Variants in FILIP1 observed in about 807,000 individuals in gnomAD.
FILIP1 encodes filamin A interacting protein 1, also known as filamin-A-interacting protein 1.
FILIP1 carries 61 observed loss-of-function variants against 102.1 expected under a neutral mutation model. The ratio of observed to expected loss-of-function variants is 0.60; its 90% CI spans 0.49 to 0.74. The LOEUF is 0.74. Ranked by LOEUF, FILIP1 falls within the 30% of genes least tolerant of loss-of-function variation. The pLI is 0.00. For missense variants in FILIP1, 1,314 were observed against 1,441.2 expected (o/e 0.91, Z 1.43); for synonymous variants, 491 against 526.9 (o/e 0.93, Z 0.93).
intron 4 of FILIP1, among the ~76,000 whole-genome samples, chr6:75,350,439 G>A (rs538079658): frequency 4.4e-5 from 6 of 136,382 alleles, no homozygotes; most frequent in East Asian, 2.1e-4. Context: ...AACTTTCTAC[G>A]TAGCACTTTG....
intron 1 of FILIP1, among the ~76,000 whole-genome samples, chr6:75,476,786 T>G (rs1779486482): frequency 2.0e-5 from 3 of 152,192 alleles, no homozygotes; most frequent in African/African-American, 7.2e-5. Flanking sequence ...TAGACACTAT[T>G]CCTCCTAACA....
chr6:75,443,857 C>T (rs1778355241), intron 1 of FILIP1, among the ~76,000 whole-genome samples: 1 of 152,152 alleles, frequency 6.6e-6, no homozygotes, highest in Admixed American at 6.5e-5. Flanking sequence ...TTCTAACATG[C>T]TCATATTAGA....
intron 3 of FILIP1, among the ~76,000 whole-genome samples, chr6:75,362,261 A>T (rs1334306723): frequency 6.6e-6 from 1 of 152,190 alleles, no homozygotes; most frequent in African/African-American, 2.4e-5. Flanking sequence ...ATTTCATTAG[A>T]ATTTTGCCTC....
At position 75,493,717 on chromosome 6, in the gene FILIP1, C is replaced by G. The variant is rs986895318; in HGVS notation, c.-310G>C. Reference sequence around the variant, plus strand: ...GACTTTTGTTTAAAAGTTTTTTCTACTGTTGCTAGGTGTTGTTGGGTTCGG... The same window carrying G: ...GACTTTTGTTTAAAAGTTTTTTCTAGTGTTGCTAGGTGTTGTTGGGTTCGG... On this transcript the variant is annotated 5_prime_UTR_variant, in exon 1 of 6. Coordinates refer to ENST00000237172, the MANE Select transcript of FILIP1 (RefSeq NM_015687.5). 6.6e-6 allele frequency: 1 copy of G among 152,176 alleles called. No individual in the cohort carries two copies. The highest frequency in any genetic ancestry group is 1.9e-4 in the East Asian group (1 of 5,200). The allele number at this position is 152,176 out of a possible 1,614,324, so 9.4% of individuals were successfully genotyped here. A position where few individuals can be genotyped will look rare whatever the true frequency, so the allele number is the denominator to read the frequency against.
chr6:75,456,089 T>G (rs571521594), intron 1 of FILIP1, among the ~76,000 whole-genome samples: 139 of 152,278 alleles, frequency 9.1e-4, no homozygotes, highest in Admixed American at 1.7e-3. Context: ...GTGATATCTC[T>G]CCTAAGTCTT....
intron 2 of FILIP1, among the ~76,000 whole-genome samples, chr6:75,384,219 G>T (rs1220709126): frequency 6.6e-6 from 1 of 152,050 alleles, no homozygotes; most frequent in African/African-American, 2.4e-5. Flanking sequence ...TCAAATAATT[G>T]TGTTAGACTA....
chr6:75,372,649 GAAAGA>G (rs1266201051), intron 2 of FILIP1, among the ~76,000 whole-genome samples: 1 of 57,324 alleles, frequency 1.7e-5, no homozygotes, highest in Non-Finnish European at 3.4e-5. Flanking sequence ...AAGAAAGAAA[GAAAGA>G]AAGAAAGAAA....
At position 75,426,727 on chromosome 6, in the gene FILIP1, C is replaced by T. The variant is rs141926069; in HGVS notation, c.-6-11749G>A. On this transcript the variant is annotated intron_variant, in intron 1 of 5. Coordinates refer to ENST00000237172, the MANE Select transcript of FILIP1 (RefSeq NM_015687.5). ...ATAGGGGCATTTTACAAGAAAGAAC[C>T]ATGGGCACTACTTCAACAGAGGCCA... is the stretch of plus-strand genomic sequence containing the variant. 3.6e-3 allele frequency among the ~76,000 whole-genome samples: 546 copies of T among 150,120 alleles called. 4 individuals carry two copies. Among genetic ancestry groups the T allele is most frequent in the African/African-American group, 0.013 (533 of 40,512 alleles).
chr6:75,351,739 A>G (rs1315062253), intron 4 of FILIP1, among the ~76,000 whole-genome samples: 4 of 152,242 alleles, frequency 2.6e-5, no homozygotes, highest in African/African-American at 9.6e-5. Context: ...TGTTTACACA[A>G]TGATGAAATC....
intron 4 of FILIP1, among the ~76,000 whole-genome samples, chr6:75,340,861 ATTTTTT>A (rs59666589): frequency 2.1e-5 from 2 of 94,308 alleles, no homozygotes; most frequent in Admixed American, 2.5e-4. Context: ...ATGCTCAGGA[ATTTTTT>A]TTTTTTTTTT....
At position 75,478,675 on chromosome 6, in the gene FILIP1, A is replaced by G. The variant is rs1017922919; in HGVS notation, c.-7+14739T>C. On this transcript the variant is annotated intron_variant, in intron 1 of 5. Transcript: ENST00000237172. ...TGAGCCACAGCACTGTGGCTTGTCT[A>G]TAAATTCGTATGTCCGAATTAATAA... Among the ~76,000 whole-genome samples the G allele has an allele frequency of 5.3e-5, 8 of 152,194 alleles. No homozygotes were observed. The East Asian group carries it at 1.5e-3, about 29-fold the overall frequency.
Position 75,312,384 on chromosome 6 carries a change from C to G in FILIP1, c.3435+13G>C. The G allele has an allele frequency of 6.2e-7, 1 of 1,608,298 alleles. No homozygotes were observed. The highest frequency in any genetic ancestry group is 8.5e-7 in the Non-Finnish European group (1 of 1,176,760). ...CCTCTGCAGGCCTGCGCTTTGGAGC[C>G]TCTTCTACTCACCACTGACTGGGTT... is the stretch of plus-strand genomic sequence containing the variant. On this transcript the variant is annotated intron_variant, in intron 5 of 5. Coordinates refer to ENST00000237172, the MANE Select transcript of FILIP1 (RefSeq NM_015687.5).
chr6:75,457,715 A>G (rs142586314), intron 1 of FILIP1, among the ~76,000 whole-genome samples: 12 of 152,180 alleles, frequency 7.9e-5, no homozygotes, highest in African/African-American at 2.9e-4. Flanking sequence ...CAGTGGCTAA[A>G]AGGAATGGTC....
exon 7 of FILIP1, chr6:75,292,034 G>A (rs1324602932): frequency 2.6e-5 from 4 of 152,088 alleles, no homozygotes; most frequent in Non-Finnish European, 5.9e-5. Context: ...GACCTGTGAG[G>A]AACTGAAAGC....
At chr6:75,406,108 T>G (rs1305758752) in intron 2 of FILIP1, among the ~76,000 whole-genome samples, 1 of 152,178 alleles carries the variant, frequency 6.6e-6, no homozygotes, top group African/African-American at 2.4e-5. Flanking sequence ...TCTGCTGATT[T>G]GACTAACTGA....
At chr6:75,402,451 T>C (rs951962027) in intron 2 of FILIP1, among the ~76,000 whole-genome samples, 1 of 152,146 alleles carries the variant, frequency 6.6e-6, no homozygotes, top group Non-Finnish European at 1.5e-5. Flanking sequence ...TCGCTCAGGG[T>C]GACCTCAGCC....
At chr6:75,380,794 T>C (rs1374188080) in intron 2 of FILIP1, among the ~76,000 whole-genome samples, 1 of 152,168 alleles carries the variant, frequency 6.6e-6, no homozygotes, top group Non-Finnish European at 1.5e-5. Context: ...GAAATGCTTA[T>C]TATAAATATT....
chr6:75,356,471 C>CT lies in FILIP1; in HGVS notation c.451-2755dup, dbSNP rs111902501. Among the ~76,000 whole-genome samples, 562 of 142,872 alleles carry CT rather than the reference C, an allele frequency of 3.9e-3. 1 individual carries two copies. The highest frequency in any genetic ancestry group is 7.7e-3 in the East Asian group (38 of 4,936). 93.7% of individuals were successfully genotyped at this position (142,872 alleles called of 152,430 possible). ...ACATCTTCTAATAATTTTTTGTAGT[C>CT]TTTTTTTTTTTTTTGAGATGAAGTT... On this transcript the variant is annotated intron_variant, in intron 3 of 5. Transcript: ENST00000237172.
At chr6:75,461,114 G>A (rs1779011296) in intron 1 of FILIP1, among the ~76,000 whole-genome samples, 1 of 152,056 alleles carries the variant, frequency 6.6e-6, no homozygotes, top group South Asian at 2.1e-4. Flanking sequence ...CTGAATCTGG[G>A]CTGTAAAAAA....
Sources: allele counts gnomAD v4.1 joint callset (sites outside exome capture counted in the v4.1 genomes callset), GRCh38; gene constraint gnomAD v4.1.1; transcripts MANE v1.5; gene names NCBI Gene and HGNC (gene_info 2026-07-23, HGNC 2026-07-21).